The following INTS12 variants were observed in gnomAD, a reference collection of about 807,000 sequenced individuals.
The protein encoded by INTS12 is integrator complex subunit 12.
A neutral mutation model predicts 41.6 loss-of-function variants in INTS12; 13 were observed. That is an observed-to-expected ratio of 0.31 (90% CI 0.20 to 0.50). The LOEUF is 0.50. INTS12 is among the 20% of genes least tolerant of loss of function. INTS12 has a pLI of 0.98. For missense variants in INTS12, 432 were observed against 541.6 expected (o/e 0.80, Z 2.01); for synonymous variants, 199 against 191.4 (o/e 1.04, Z -0.33).
At chr4:105,691,585 A>T (rs1731687186) in intron 6 of INTS12, among the ~76,000 whole-genome samples, 1 of 152,218 alleles carries the variant, frequency 6.6e-6, no homozygotes, top group South Asian at 2.1e-4. Context: ...CGGTGGTTTA[A>T]GCTCACTCAG....
rs903433502 is a variant in INTS12 at position 105,693,464 on chromosome 4, C to A, written c.332G>T (p.Gly111Val). 1 of 1,612,238 alleles carries A rather than the reference C, an allele frequency of 6.2e-7. No homozygotes were observed. Among genetic ancestry groups the A allele is most frequent in the African/African-American group, 1.3e-5 (1 of 75,012 alleles). Residue 111 changes from glycine to valine, a missense_variant, in exon 5 of 8, where the codon GGA (glycine) becomes GTA (valine). Gly to Val is a moderately radical substitution (Grantham distance 109). Coordinates refer to ENST00000340139, the MANE Select transcript of INTS12 (RefSeq NM_020395.4). ...TCTAGGTTTCTTTGGAATATCAACTCCTTCAGTGATGTCTGATTTCATCTA... is the reference window on the plus strand; with the variant it reads ...TCTAGGTTTCTTTGGAATATCAACTACTTCAGTGATGTCTGATTTCATCTA... ...ADKMKSDITE[G>V]VDIPKKPRLE... is the part of the protein sequence containing the mutation.
chr4:105,692,992 C>T (rs769868282), intron 5 of INTS12, among the ~76,000 whole-genome samples: 29 of 152,140 alleles, frequency 1.9e-4, no homozygotes, highest in Non-Finnish European at 4.0e-4. Context: ...TCACCATAGC[C>T]TTAGATTATC....
intron 6 of INTS12, 72 bp downstream of exon 6, chr4:105,691,904 C>T: frequency 9.0e-7 from 1 of 1,112,582 alleles, no homozygotes. Context: ...ATATTCAAAT[C>T]TTTGTTTTGA....
chr4:105,696,722 T>G (rs1560778892), intron 3 of INTS12, among the ~76,000 whole-genome samples: 1 of 152,096 alleles, frequency 6.6e-6, no homozygotes, highest in South Asian at 2.1e-4. Flanking sequence ...CTAGAAAAAA[T>G]AGGAGTGGGT....
At chr4:105,696,226 T>A (rs1731861837) in intron 3 of INTS12, among the ~76,000 whole-genome samples, 1 of 152,190 alleles carries the variant, frequency 6.6e-6, no homozygotes, top group Admixed American at 6.5e-5. Context: ...ATCACTACAA[T>A]CAACATAATG....
Position 105,699,940 on chromosome 4 carries a change from T to G in INTS12, c.66A>C (p.Ser22=), listed in dbSNP as rs1732001491. The G allele has an allele frequency of 6.5e-7, 1 of 1,542,208 alleles. No individual in the cohort carries two copies. The change falls in exon 3 of 8, where the codon TCA becomes TCC. Residue 22 remains serine (S), a synonymous_variant. Transcript: ENST00000340139. ...IFLKALGFLH[S]KSKDSAEKLK... is the part of the protein sequence containing the mutation. Reference sequence around the variant, plus strand: ...GCTTTTCAGCAGAATCTTTACTCTTTGAATGCAAGAAACCTAGTGCTTTCA... The same window carrying G: ...GCTTTTCAGCAGAATCTTTACTCTTGGAATGCAAGAAACCTAGTGCTTTCA...
chr4:105,688,533 C>T (rs1038413846), intron 6 of INTS12, among the ~76,000 whole-genome samples: 3 of 152,174 alleles, frequency 2.0e-5, no homozygotes, highest in African/African-American at 4.8e-5. Flanking sequence ...TAAGAATGTT[C>T]GAAGTAATTC....
intron 7 of INTS12, 152 bp downstream of exon 7, chr4:105,686,540 T>C: frequency 1.7e-6 from 1 of 596,126 alleles, no homozygotes; most frequent in Non-Finnish European, 2.9e-6. Flanking sequence ...AAATGTTCCC[T>C]TTCTACCTAA....
At chr4:105,687,575 T>C (rs1259792244) in intron 6 of INTS12, among the ~76,000 whole-genome samples, 1 of 152,244 alleles carries the variant, frequency 6.6e-6, no homozygotes, top group African/African-American at 2.4e-5. Flanking sequence ...TCTAGGTAGA[T>C]AATTATAACT....
At chr4:105,706,373 G>A (rs1234124732) in intron 1 of INTS12, 1 of 150,350 alleles carries the variant, frequency 6.7e-6, no homozygotes, top group Non-Finnish European at 1.5e-5. Flanking sequence ...TCCTGCCTCA[G>A]CCTCCCAAGC....
intron 1 of INTS12, chr4:105,708,374 G>A (rs1230973500): frequency 4.1e-6 from 4 of 985,344 alleles, no homozygotes; most frequent in Non-Finnish European, 4.8e-6. Flanking sequence ...GACAAAGTCC[G>A]AGGCAGGATT....
chr4:105,703,014 CTG>C (rs1465775782), intron 2 of INTS12: 1 of 984,088 alleles, frequency 1.0e-6, no homozygotes, highest in Non-Finnish European at 1.2e-6. Context: ...CTTGGTGTAA[CTG>C]TGTTGATCTA....
chr4:105,699,353 C>A (rs978289035), intron 3 of INTS12, among the ~76,000 whole-genome samples: 1 of 152,276 alleles, frequency 6.6e-6, no homozygotes, highest in East Asian at 1.9e-4. Flanking sequence ...ATTCTTTTCA[C>A]ATAAAGCTGC....
intron 2 of INTS12, chr4:105,703,127 G>T: frequency 2.2e-6 from 1 of 456,752 alleles, no homozygotes; most frequent in Non-Finnish European, 2.9e-6. Context: ...AAAACAGACT[G>T]CAAAAGAGCC....
chr4:105,692,053 G>A lies in INTS12; in HGVS notation c.580C>T (p.Gln194Ter). 6.2e-7 allele frequency: 1 copy of A among 1,610,024 alleles called. No individual in the cohort carries two copies. Among genetic ancestry groups the A allele is most frequent in the Non-Finnish European group, 8.5e-7 (1 of 1,178,258 alleles). Reference sequence around the variant, plus strand: ...TCATTCGCTTCCTTGTCTGTCACCTGGGGTTTATGACAATCTCGGTGGTAG... The same window carrying A: ...TCATTCGCTTCCTTGTCTGTCACCTAGGGTTTATGACAATCTCGGTGGTAG... Reference protein sequence around the residue: ...NLYHRDCHKPQVTDKEANDPR... With the variant: ...NLYHRDCHKP The change falls in exon 6 of 8, where the codon CAG (glutamine) becomes TAG (stop). Residue 194 changes from glutamine (Q) to a stop codon, truncating the protein, a stop_gained. Coordinates refer to ENST00000340139, the MANE Select transcript of INTS12 (RefSeq NM_020395.4). LOFTEE classifies it high-confidence loss of function.
chr4:105,691,098 A>G (rs575879468), intron 6 of INTS12, among the ~76,000 whole-genome samples: 4 of 152,342 alleles, frequency 2.6e-5, no homozygotes, highest in African/African-American at 9.6e-5. Context: ...TAAAAAGTAA[A>G]ATGGGTATCC....
chr4:105,693,224 TG>T (rs1731748027), intron 5 of INTS12, 74 bp downstream of exon 5: 1 of 1,211,228 alleles, frequency 8.3e-7, no homozygotes, highest in East Asian at 2.4e-5. Flanking sequence ...TTTCTGATTT[TG>T]GGGGTTGAGG....
At chr4:105,685,746 T>C (rs1186564679) in intron 7 of INTS12, among the ~76,000 whole-genome samples, 1 of 152,134 alleles carries the variant, frequency 6.6e-6, no homozygotes, top group African/African-American at 2.4e-5. Context: ...CTTTTTGTTA[T>C]GAAATTAGAT....
At chr4:105,706,207 T>C (rs1732255619) in intron 1 of INTS12, 1 of 151,834 alleles carries the variant, frequency 6.6e-6, no homozygotes, top group African/African-American at 2.4e-5. Context: ...TTTTCAACTA[T>C]CATCTCTGGG....
Sources: gnomAD v4.1 joint callset for allele counts (sites outside exome capture counted in the v4.1 genomes callset) on GRCh38, gnomAD v4.1.1 for gene constraint, MANE v1.5 for transcripts, NCBI Gene and HGNC (gene_info 2026-07-23, HGNC 2026-07-21) for gene names.